CARS1: variants seen among roughly 807,000 people sequenced by gnomAD.
The protein encoded by CARS1 is cysteine--tRNA ligase, cytoplasmic.
CARS1 carries 48 observed loss-of-function variants against 106.2 expected under a neutral mutation model. The observed-to-expected ratio is 0.45, with a 90% CI of 0.36 to 0.57. The LOEUF (loss-of-function observed/expected upper bound fraction) is 0.57, where lower values mean the gene tolerates loss of function less well. Ranked by LOEUF, CARS1 falls within the 20% of genes least tolerant of loss-of-function variation. The probability of loss-of-function intolerance (pLI) is 0.00; values close to 1 mark genes in which losing one functional copy is unlikely to be tolerated. For missense variants in CARS1, 968 were observed against 1,057.2 expected (o/e 0.92, Z 1.17); for synonymous variants, 409 against 403.4 (o/e 1.01, Z -0.17).
chr11:3,006,554 G>T (rs1446663544), intron 19 of CARS1, among the ~76,000 whole-genome samples: 10 of 152,280 alleles, frequency 6.6e-5, no homozygotes, highest in Admixed American at 6.5e-4. Context: ...TGTTGACAGT[G>T]TACAGGATAC....
chr11:3,054,963 G>A, intron 1 of CARS1: 1 of 702,596 alleles, frequency 1.4e-6, no homozygotes, highest in Non-Finnish European at 2.6e-6. Flanking sequence ...CCTCAGAAAT[G>A]AAACTCATCC....
At position 3,052,008 on chromosome 11, in the gene CARS1, C is replaced by T. The variant is rs576775707; in HGVS notation, c.26-4007G>A. Among the ~76,000 whole-genome samples, 2 of 152,338 alleles carry T rather than the reference C, an allele frequency of 1.3e-5. No homozygotes were observed. Among genetic ancestry groups the T allele is most frequent in the Admixed American group, 6.5e-5 (1 of 15,308 alleles). ...GCAACAGCCCGAACACTGACAGTGA[C>T]GATGGTTGATGAGAGGGGGTGACAG... On this transcript the variant is annotated intron_variant, in intron 1 of 22. Coordinates refer to ENST00000380525, the MANE Select transcript of CARS1 (RefSeq NM_001014437.3). This position sits in a 1 kb window ranked among gnomAD's most constrained non-coding sequence, Gnocchi z 4.6.
rs1338334495 is a variant in CARS1 at position 3,039,272 on chromosome 11, C to T, written c.573G>A (p.Gln191=). 3 of 1,612,828 alleles carry T rather than the reference C, an allele frequency of 1.9e-6. No homozygotes were observed. Among genetic ancestry groups the T allele is most frequent in the Non-Finnish European group, 2.5e-6 (3 of 1,179,062 alleles). ...CCCGATACTGCTCGAACAGGTGGTT[C>T]TGCCGGGCCCTCTTGATGATCTGGG... ...IDDKIIKRAR[Q]NHLFEQYREK... The change falls in exon 6 of 23, where the codon CAG becomes CAA. Residue 191 remains glutamine (Q), a synonymous_variant. Transcript: ENST00000380525. This position sits in a 1 kb window ranked among gnomAD's most constrained non-coding sequence, Gnocchi z 5.6.
rs1851284317 is a variant in CARS1, at chr11:3,018,748, G to A, written c.1397C>T (p.Ala466Val). 6.2e-7 allele frequency: 1 copy of A among 1,613,250 alleles called. No homozygotes were observed. The highest frequency in any genetic ancestry group is 1.7e-5 in the Admixed American group (1 of 59,926). ...HHDNELAQSE[A>V]YFENDCWVRY... is the part of the protein sequence containing the mutation. ...GACCCAGCAGTCGTTTTCAAAGTAG[G>A]CCTGCGTGGAAAGAGACAAAGGATG... The change falls in exon 13 of 23, where the codon GCC becomes GTC. Residue 466 changes from alanine to valine, a missense_variant and splice_region_variant. Transcript: ENST00000380525.
At chr11:3,032,115 C>A (rs1379653324) in intron 7 of CARS1, among the ~76,000 whole-genome samples, 3 of 148,086 alleles carry the variant, frequency 2.0e-5, no homozygotes. Flanking sequence ...GCTCTGTCAC[C>A]AGGCTGGAGT....
chr11:3,037,918 G>A lies in CARS1; in HGVS notation c.801+132C>T, dbSNP rs376917475. ...CCGCAGAACAGGGCCGCCTGCCACA[G>A]TGGAGCTACTGGAGACACAGAGTGT... On this transcript the variant is annotated intron_variant, in intron 7 of 22. Transcript: ENST00000380525. This position sits in a 1 kb window ranked among gnomAD's most constrained non-coding sequence, Gnocchi z 5.9. 62 of 906,002 alleles carry A rather than the reference G, an allele frequency of 6.8e-5. No homozygotes were observed. In the African/African-American group the frequency reaches 7.6e-4, roughly 11 times the overall value. 56.1% of individuals were successfully genotyped at this position (906,002 alleles called of 1,614,324 possible).
In CARS1 at chr11:3,019,044, A is replaced by G; in HGVS notation, c.1395+95T>C. 1 of 1,364,924 alleles carries G rather than the reference A, an allele frequency of 7.3e-7. No individual in the cohort carries two copies. The highest frequency in any genetic ancestry group is 2.4e-5 in the East Asian group (1 of 42,316). 84.6% of individuals were successfully genotyped at this position (1,364,924 alleles called of 1,614,324 possible). On this transcript the variant is annotated intron_variant, in intron 12 of 22. Coordinates refer to ENST00000380525, the MANE Select transcript of CARS1 (RefSeq NM_001014437.3). This position sits in a 1 kb window ranked among gnomAD's most constrained non-coding sequence, Gnocchi z 6.2. ...CCGATGAAGGTGTCAAGTTCTAGTG[A>G]GAGAGGCCCTTCTGAGGCCTGGGCT...
At chr11:3,009,874 G>C (rs571362446) in intron 18 of CARS1, among the ~76,000 whole-genome samples, 17 of 152,334 alleles carry the variant, frequency 1.1e-4, no homozygotes, top group African/African-American at 4.1e-4. Context: ...GATGTTAACA[G>C]TGAATAACAA....
Position 3,039,291 on chromosome 11 carries a change from A to T in CARS1, c.554T>A (p.Ile185Asn), listed in dbSNP as rs776714078. ...GTGGTTCTGCCGGGCCCTCTTGATG[A>T]TCTGGGGAGGGAAGGCAGACATTGG... ...CMNITDIDDK[I>N]IKRARQNHLF... The change falls in exon 6 of 23, where the codon ATC (isoleucine) becomes AAC (asparagine). Residue 185 changes from isoleucine (I) to asparagine (N), a missense_variant and splice_region_variant. Ile to Asn is a moderately radical substitution (Grantham distance 149, BLOSUM62 -3). Transcript: ENST00000380525. The surrounding 1 kb of genome is among the most constrained non-coding windows in gnomAD (Gnocchi z 5.6). 6.2e-7 allele frequency: 1 copy of T among 1,601,948 alleles called. No individual in the cohort carries two copies.
rs1441700430 is a variant in CARS1 at position 3,020,750 on chromosome 11, G to T, written c.1154-418C>A. On this transcript the variant is annotated intron_variant, in intron 10 of 22. Transcript: ENST00000380525. The surrounding 1 kb of genome is among the most constrained non-coding windows in gnomAD (Gnocchi z 4.6). ...ATCCTGCCTGGTTCATGCGGGTGGG[G>T]TCAATATGTCAAGGGCCCGCACAAC... Among the ~76,000 whole-genome samples, 1 of 152,218 alleles carries T rather than the reference G, an allele frequency of 6.6e-6. No individual in the cohort carries two copies. The highest frequency in any genetic ancestry group is 2.4e-5 in the African/African-American group (1 of 41,450).
In CARS1 at chr11:3,019,374, G is replaced by C; in HGVS notation, c.1267-107C>G. On this transcript the variant is annotated intron_variant, in intron 11 of 22. Coordinates refer to ENST00000380525, the MANE Select transcript of CARS1 (RefSeq NM_001014437.3). The surrounding 1 kb of genome is among the most constrained non-coding windows in gnomAD (Gnocchi z 6.2). ...CCCTTACATCCTCTGAACTTTATTGGAACAAGCGTTAAATCCCGCACATGA... is the reference window on the plus strand; with the variant it reads ...CCCTTACATCCTCTGAACTTTATTGCAACAAGCGTTAAATCCCGCACATGA... The C allele has an allele frequency of 8.2e-7, 1 of 1,212,780 alleles. No homozygotes were observed. The highest frequency in any genetic ancestry group is 1.1e-6 in the Non-Finnish European group (1 of 938,498). 75.1% of individuals were successfully genotyped at this position (1,212,780 alleles called of 1,614,324 possible). A position where few individuals can be genotyped will look rare whatever the true frequency, so the allele number is the denominator to read the frequency against.
At chr11:3,015,941 G>C (rs1007713475) in intron 16 of CARS1, 92 bp from the exon 17 acceptor site, 13 of 1,084,792 alleles carry the variant, frequency 1.2e-5, no homozygotes, top group South Asian at 1.0e-4. Flanking sequence ...GTTCACGGGA[G>C]GGGGTGCCCC....
chr11:3,009,697 C>T (rs1458561500), intron 18 of CARS1, among the ~76,000 whole-genome samples: 1 of 152,196 alleles, frequency 6.6e-6, no homozygotes, highest in East Asian at 1.9e-4. Context: ...GCCCTCCTTG[C>T]CAGGCCTGTG....
intron 17 of CARS1, among the ~76,000 whole-genome samples, chr11:3,013,055 A>G (rs1440123449): frequency 6.6e-6 from 1 of 150,738 alleles, no homozygotes; most frequent in East Asian, 1.9e-4. Flanking sequence ...ACGCCTGGCT[A>G]ATTTTTGTAT....
rs537003905 is a variant in CARS1, at chr11:3,047,853, G to A, written c.174C>T (p.Pro58=). The A allele has an allele frequency of 3.7e-5, 59 of 1,614,122 alleles. 1 individual carries two copies. The highest frequency in any genetic ancestry group is 3.1e-4 in the South Asian group (28 of 91,076). ...CCACGTGGAAGAGCTGGGGGTCAGC[G>A]GGCGGGGCCGAGAGCTGCCTGAACG... The part of the protein sequence containing the change: ...VDAFRQLSAP[P]ADPQLFHVAR... The change falls in exon 2 of 23, where the codon CCC becomes CCT. Residue 58 remains proline (P), a synonymous_variant. Transcript: ENST00000380525.
At position 3,038,907 on chromosome 11, in the gene CARS1, T is replaced by C. The variant is rs1275557721; in HGVS notation, c.651+287A>G. On this transcript the variant is annotated intron_variant, in intron 6 of 22. Coordinates refer to ENST00000380525, the MANE Select transcript of CARS1 (RefSeq NM_001014437.3). This position sits in a 1 kb window ranked among gnomAD's most constrained non-coding sequence, Gnocchi z 4.0. ...TAGACAGCAATATTGGTAAGCATTT[T>C]TATAAGTGTAATTAGTGGCACTGTG... 6.6e-6 allele frequency among the ~76,000 whole-genome samples: 1 copy of C among 152,214 alleles called. No homozygotes were observed. Among genetic ancestry groups the C allele is most frequent in the Non-Finnish European group, 1.5e-5 (1 of 68,038 alleles).
At chr11:3,018,997 G>C in intron 12 of CARS1, 142 bp downstream of exon 12, 1 of 1,099,640 alleles carries the variant, frequency 9.1e-7, no homozygotes, top group Non-Finnish European at 1.3e-6. Context: ...AATGATCAGG[G>C]TTCAGATTCC....
chr11:3,020,503 G>A lies in CARS1; in HGVS notation c.1154-171C>T, dbSNP rs577171973. Among the ~76,000 whole-genome samples the A allele has an allele frequency of 7.5e-4, 114 of 152,344 alleles. No homozygotes were observed. Among genetic ancestry groups the A allele is most frequent in the Non-Finnish European group, 1.5e-3 (101 of 68,036 alleles). On this transcript the variant is annotated intron_variant, in intron 10 of 22. Coordinates refer to ENST00000380525, the MANE Select transcript of CARS1 (RefSeq NM_001014437.3). The surrounding 1 kb of genome is among the most constrained non-coding windows in gnomAD (Gnocchi z 4.6). ...TAACTATGTATTACCAGATTCTGGT[G>A]TTGACCCAGTGTCTAGATTTACAAA... is the stretch of plus-strand genomic sequence containing the variant.
chr11:3,055,501 G>A (rs992764644), intron 1 of CARS1, among the ~76,000 whole-genome samples: 5 of 152,218 alleles, frequency 3.3e-5, no homozygotes, highest in South Asian at 2.1e-4. Context: ...GGGAGGAGGC[G>A]ATAGTAAAGG....
Sources: gnomAD v4.1 joint callset for allele counts (sites outside exome capture counted in the v4.1 genomes callset) on GRCh38, gnomAD v4.1.1 for gene constraint, Gnocchi (gnomAD v3.1) non-coding constraint, MANE v1.5 for transcripts, NCBI Gene and HGNC (gene_info 2026-07-23, HGNC 2026-07-21) for gene names.